TMEM74: variants seen among roughly 807,000 people sequenced by gnomAD.
TMEM74 encodes transmembrane protein 74.
In TMEM74, 13 loss-of-function variants were observed where a neutral mutation model predicts 18.1. The ratio of observed to expected loss-of-function variants is 0.72; its 90% CI spans 0.47 to 1.14. The LOEUF is 1.14. Among genes scored for constraint, TMEM74 ranks in the 50% most tolerant of loss-of-function variants. TMEM74 has a pLI of 0.00. For missense variants in TMEM74, 372 were observed against 375.9 expected (o/e 0.99, Z 0.09); for synonymous variants, 159 against 146.6 (o/e 1.08, Z -0.61).
At chr8:108,667,429 T>C (rs1295126384) in intron 1 of TMEM74, among the ~76,000 whole-genome samples, 2 of 152,204 alleles carry the variant, frequency 1.3e-5, no homozygotes, top group African/African-American at 2.4e-5. Flanking sequence ...CATCAGTTAC[T>C]GAGTAATTTT....
intron 1 of TMEM74, among the ~76,000 whole-genome samples, chr8:108,740,154 C>T (rs1010171452): frequency 3.3e-5 from 5 of 152,174 alleles, no homozygotes; most frequent in Admixed American, 6.5e-5. Context: ...AGTCTAGACA[C>T]ATTCCAGAGG....
chr8:108,650,163 A>T (rs1435348141), intron 2 of TMEM74, among the ~76,000 whole-genome samples: 1 of 152,060 alleles, frequency 6.6e-6, no homozygotes, highest in African/African-American at 2.4e-5. Flanking sequence ...TCCTTACCAA[A>T]ATCTGTTGTC....
intron 1 of TMEM74, among the ~76,000 whole-genome samples, chr8:108,729,972 T>G (rs1470895537): frequency 6.6e-6 from 1 of 152,214 alleles, no homozygotes; most frequent in Admixed American, 6.5e-5. Flanking sequence ...AATGCTATAC[T>G]GGACCCCACG....
rs538451158 is a variant in TMEM74, at chr8:108,650,955, C to T, written n.264+4338G>A. On this transcript the variant is annotated intron_variant and non_coding_transcript_variant, in intron 2 of 3. Coordinates refer to the TMEM74 transcript ENST00000518838. ...CAAACTCCTGACCTCAGGTGATCTG[C>T]CCACCTCGGCCTCGCAAAGTGTTGG... Among the ~76,000 whole-genome samples the T allele has an allele frequency of 6.6e-5, 10 of 152,208 alleles. No individual in the cohort carries two copies. The East Asian group carries it at 1.9e-3, about 29-fold the overall frequency.
chr8:108,772,735 C>T (rs1304730630), intron 1 of TMEM74, among the ~76,000 whole-genome samples: 1 of 151,614 alleles, frequency 6.6e-6, no homozygotes, highest in Non-Finnish European at 1.5e-5. Context: ...CTCAGCTACA[C>T]CACTTGGTAA....
intron 1 of TMEM74, among the ~76,000 whole-genome samples, chr8:108,678,206 A>G (rs1813073579): frequency 6.6e-6 from 1 of 152,218 alleles, no homozygotes. Context: ...AAATTCTTAT[A>G]GGATATTAGG....
intron 1 of TMEM74, among the ~76,000 whole-genome samples, chr8:108,722,938 C>G (rs10100726): frequency 6.6e-6 from 1 of 151,968 alleles, no homozygotes; most frequent in African/African-American, 2.4e-5. Context: ...CCTTTGTTTA[C>G]TCCTCAGTGC....
At chr8:108,775,093 G>C (rs1014427206), downstream of TMEM74, among the ~76,000 whole-genome samples, 7 of 152,042 alleles carry the variant, frequency 4.6e-5, no homozygotes, top group Admixed American at 4.6e-4. Flanking sequence ...TATACTAATG[G>C]AACAAGGACA....
chr8:108,708,424 T>C (rs1287494327), intron 1 of TMEM74, among the ~76,000 whole-genome samples: 1 of 152,156 alleles, frequency 6.6e-6, no homozygotes, highest in African/African-American at 2.4e-5. Flanking sequence ...CTGGGTCAAA[T>C]GGTAATTCTG....
intron 1 of TMEM74, among the ~76,000 whole-genome samples, chr8:108,731,497 G>C (rs1431768693): frequency 1.3e-5 from 2 of 152,128 alleles, no homozygotes; most frequent in African/African-American, 4.8e-5. Context: ...TTTAGGATAA[G>C]GATGGCACTG....
rs869263977 is a variant in TMEM74, at chr8:108,717,942, G to GTTTTTTT, written n.120-62512_120-62506dup. Among the ~76,000 whole-genome samples, 50 of 45,928 alleles carry GTTTTTTT rather than the reference G, an allele frequency of 1.1e-3. 5 individuals are homozygous for GTTTTTTT. The highest frequency in any genetic ancestry group is 1.5e-3 in the Non-Finnish European group (44 of 28,464). 30.1% of individuals were successfully genotyped at this position (45,928 alleles called of 152,430 possible). Reference sequence around the variant, plus strand: ...TTTCTAGTGATATGATCTGACTTAGGTTTTTTTTTTTTTTTTTTTTTTTTT... The same window carrying GTTTTTTT: ...TTTCTAGTGATATGATCTGACTTAGGTTTTTTTTTTTTTTTTTTTTTTTTTTTTTTTT... On this transcript the variant is annotated intron_variant and non_coding_transcript_variant, in intron 1 of 3. Transcript: ENST00000518838.
chr8:108,684,073 G>C (rs1431096189), intron 1 of TMEM74, among the ~76,000 whole-genome samples: 1 of 152,046 alleles, frequency 6.6e-6, no homozygotes, highest in Non-Finnish European at 1.5e-5. Context: ...ATGGGCTGCA[G>C]ATGTTTCTTC....
chr8:108,724,662 A>G (rs1034805269), intron 1 of TMEM74, among the ~76,000 whole-genome samples: 3 of 152,170 alleles, frequency 2.0e-5, no homozygotes, highest in Non-Finnish European at 2.9e-5. Context: ...CAAAAGCAGA[A>G]CAAGTTAAAA....
chr8:108,673,924 T>C (rs1260526119), intron 1 of TMEM74, among the ~76,000 whole-genome samples: 1 of 152,216 alleles, frequency 6.6e-6, no homozygotes, highest in African/African-American at 2.4e-5. Flanking sequence ...ATGGCAAATA[T>C]AGTTCTCATG....
chr8:108,663,658 G>T (rs1049602976), intron 1 of TMEM74, among the ~76,000 whole-genome samples: 1 of 152,044 alleles, frequency 6.6e-6, no homozygotes, highest in Admixed American at 6.6e-5. Flanking sequence ...ATACATGCAC[G>T]CATATGTTCA....
chr8:108,639,973 C>T (rs1812646784), intron 2 of TMEM74, among the ~76,000 whole-genome samples: 1 of 151,968 alleles, frequency 6.6e-6, no homozygotes, highest in Admixed American at 6.6e-5. Flanking sequence ...ATCAGGCAAA[C>T]ATCTTTGATA....
At chr8:108,668,836 A>G (rs897712474) in intron 1 of TMEM74, among the ~76,000 whole-genome samples, 2 of 152,238 alleles carry the variant, frequency 1.3e-5, no homozygotes, top group Admixed American at 6.6e-5. Flanking sequence ...CATCATTGGT[A>G]TGACTGTTTT....
chr8:108,624,873 A>G (rs1451696021), intron 2 of TMEM74, among the ~76,000 whole-genome samples: 4 of 152,012 alleles, frequency 2.6e-5, no homozygotes, highest in African/African-American at 7.2e-5. Flanking sequence ...TACCCCTCAA[A>G]TGCCATCTTT....
intron 1 of TMEM74, among the ~76,000 whole-genome samples, chr8:108,742,988 T>G (rs1339430543): frequency 2.6e-5 from 4 of 152,218 alleles, no homozygotes; most frequent in Admixed American, 1.3e-4. Context: ...GACGATTTTT[T>G]TGCATTCAGC....
Sources: gnomAD v4.1 joint callset for allele counts (sites outside exome capture counted in the v4.1 genomes callset) on GRCh38, gnomAD v4.1.1 for gene constraint, MANE v1.5 for transcripts, NCBI Gene and HGNC (gene_info 2026-07-23, HGNC 2026-07-21) for gene names.